Variants in NLGN1 observed in about 807,000 individuals in gnomAD.
NLGN1 encodes the protein neuroligin 1.
A neutral mutation model predicts 65.5 loss-of-function variants in NLGN1; 12 were observed. The observed-to-expected ratio is 0.18, with a 90% CI of 0.12 to 0.30. NLGN1 has a LOEUF of 0.30. Ranked by LOEUF, NLGN1 falls within the 10% of genes least tolerant of loss-of-function variation. The pLI is 1.00. For missense variants in NLGN1, 750 were observed against 1,007.1 expected, an observed-to-expected ratio of 0.74 and a Z score of 3.46; for synonymous variants, 350 against 359.5, an observed-to-expected ratio of 0.97 and a Z score of 0.30.
intron 4 of NLGN1, among the ~76,000 whole-genome samples, chr3:174,021,348 T>C (rs1727710550): frequency 6.6e-6 from 1 of 152,208 alleles, no homozygotes; most frequent in Admixed American, 6.6e-5. Context: ...GCAAACTATA[T>C]TCTATTTAAA....
intron 3 of NLGN1, among the ~76,000 whole-genome samples, chr3:173,753,974 T>TATAATA (rs1560301629): frequency 6.8e-6 from 1 of 146,844 alleles, no homozygotes; most frequent in East Asian, 2.0e-4. Flanking sequence ...TATAATATAA[T>TATAATA]ATCTACTCAG....
At chr3:174,106,790 A>G (rs1362465989) in intron 4 of NLGN1, among the ~76,000 whole-genome samples, 1 of 152,094 alleles carries the variant, frequency 6.6e-6, no homozygotes, top group Non-Finnish European at 1.5e-5. Flanking sequence ...TGAAGGCCTA[A>G]GAACCAAGAG....
intron 4 of NLGN1, among the ~76,000 whole-genome samples, chr3:174,212,044 C>G (rs565090750): frequency 6.6e-6 from 1 of 152,156 alleles, no homozygotes; most frequent in Admixed American, 6.5e-5. Flanking sequence ...CCGGGAGGCT[C>G]GGGCTGCACA....
chr3:173,957,942 A>AGT (rs1039000560), intron 4 of NLGN1, among the ~76,000 whole-genome samples: 5 of 152,080 alleles, frequency 3.3e-5, no homozygotes, highest in African/African-American at 1.2e-4. Flanking sequence ...TGAGTGAGTG[A>AGT]GTGTTGGGTC....
intron 4 of NLGN1, among the ~76,000 whole-genome samples, chr3:173,921,487 A>G (rs895555470): frequency 2.0e-4 from 31 of 151,720 alleles, no homozygotes; most frequent in African/African-American, 7.5e-4. Context: ...ATTGTGATCA[A>G]ATCTCATTTA....
intron 1 of NLGN1, among the ~76,000 whole-genome samples, chr3:173,421,164 T>C (rs954844317): frequency 6.6e-6 from 1 of 152,112 alleles, no homozygotes; most frequent in Non-Finnish European, 1.5e-5. Context: ...CTAGTCTATT[T>C]CTCAAATTTT....
At chr3:173,768,363 G>T (rs1231109444) in intron 3 of NLGN1, among the ~76,000 whole-genome samples, 1 of 152,110 alleles carries the variant, frequency 6.6e-6, no homozygotes, top group Non-Finnish European at 1.5e-5. Context: ...CAGGAGCTGA[G>T]AGAAAACTTG....
intron 4 of NLGN1, among the ~76,000 whole-genome samples, chr3:173,894,962 A>G (rs1340558917): frequency 1.3e-5 from 2 of 152,174 alleles, no homozygotes; most frequent in South Asian, 4.1e-4. Flanking sequence ...TTATAGTTAA[A>G]TAGGTAAAAA....
At chr3:174,239,845 C>T (rs1405077051) in intron 4 of NLGN1, among the ~76,000 whole-genome samples, 2 of 151,414 alleles carry the variant, frequency 1.3e-5, no homozygotes, top group Non-Finnish European at 2.9e-5. Context: ...AAACCATGCT[C>T]AAGGAAAATA....
intron 4 of NLGN1, among the ~76,000 whole-genome samples, chr3:174,025,225 G>T (rs1299090544): frequency 6.6e-6 from 1 of 152,064 alleles, no homozygotes. Flanking sequence ...TTTCAAATGA[G>T]GTCACTAAGG....
intron 4 of NLGN1, among the ~76,000 whole-genome samples, chr3:173,964,495 G>A (rs1714354693): frequency 6.6e-6 from 1 of 152,122 alleles, no homozygotes; most frequent in African/African-American, 2.4e-5. Context: ...GTTCTTTCTG[G>A]TACACCAGGA....
chr3:174,049,214 A>T (rs533716396), intron 4 of NLGN1, among the ~76,000 whole-genome samples: 2 of 152,236 alleles, frequency 1.3e-5, no homozygotes, highest in East Asian at 3.9e-4. Context: ...TTGGTCACAT[A>T]GAGTATGTGT....
rs116190200 is a variant in NLGN1, at chr3:173,616,913, C to T, written c.493+11822C>T. Among the ~76,000 whole-genome samples the T allele has an allele frequency of 3.6e-3, 542 of 152,210 alleles. 3 individuals carry two copies. Among genetic ancestry groups the T allele is most frequent in the Non-Finnish European group, 6.4e-3 (436 of 67,994 alleles). On this transcript the variant is annotated intron_variant, in intron 3 of 6. Coordinates refer to ENST00000457714, the Ensembl canonical transcript of NLGN1. ...GCTTTTTAAATAAATGTAGAACTCC[C>T]TACTATCGCCTAGAACACTCTGTAA... is the stretch of plus-strand genomic sequence containing the variant.
At chr3:173,712,955 A>C (rs7616945) in intron 3 of NLGN1, among the ~76,000 whole-genome samples, 66,190 of 151,912 alleles carry the variant, frequency 0.44, 15,940 homozygotes, top group African/African-American at 0.66. Context: ...AATGAGAGAT[A>C]TGTGTAGTAG....
rs1480715970 is a variant in NLGN1, at chr3:174,028,148, G to C, written c.646+220316G>C. ...ACCTCTTTTCCTTAAAAAGAGTACA[G>C]ACTAATACAGTAAATTGGTACTGGT... On this transcript the variant is annotated intron_variant, in intron 4 of 6. Transcript: ENST00000457714. Among the ~76,000 whole-genome samples, 3 of 152,250 alleles carry C rather than the reference G, an allele frequency of 2.0e-5. No individual in the cohort carries two copies. The East Asian group carries it at 5.8e-4, about 29-fold the overall frequency.
intron 4 of NLGN1, among the ~76,000 whole-genome samples, chr3:174,006,210 T>C (rs1007087195): frequency 3.3e-5 from 5 of 152,212 alleles, no homozygotes; most frequent in African/African-American, 1.2e-4. Flanking sequence ...TCCAGGACTT[T>C]CCTACTTCTC....
intron 2 of NLGN1, among the ~76,000 whole-genome samples, chr3:173,435,605 TG>T (rs1034109448): frequency 2.0e-5 from 3 of 151,872 alleles, no homozygotes; most frequent in African/African-American, 7.3e-5. Context: ...GAGACTGAGG[TG>T]GGGGCATATC....
At chr3:174,167,529 T>C (rs1727720795) in intron 4 of NLGN1, among the ~76,000 whole-genome samples, 1 of 152,012 alleles carries the variant, frequency 6.6e-6, no homozygotes, top group Admixed American at 6.6e-5. Context: ...TCTTGGCTTA[T>C]AAGGTTTCTG....
intron 4 of NLGN1, among the ~76,000 whole-genome samples, chr3:173,998,664 G>A (rs1321139479): frequency 6.6e-6 from 1 of 152,138 alleles, no homozygotes; most frequent in Non-Finnish European, 1.5e-5. Context: ...TTCTTCTCAG[G>A]AGGCAATAAA....
Sources: allele counts gnomAD v4.1 joint callset (sites outside exome capture counted in the v4.1 genomes callset), GRCh38; gene constraint gnomAD v4.1.1; transcripts MANE v1.5; gene names NCBI Gene and HGNC (gene_info 2026-07-23, HGNC 2026-07-21).